Variants in NOS3 observed in about 807,000 individuals in gnomAD.
NOS3 encodes the protein NOS type III.
A neutral mutation model predicts 144.9 loss-of-function variants in NOS3; 98 were observed. That is an observed-to-expected ratio of 0.68 (90% confidence interval 0.57 to 0.80). The LOEUF is 0.80. Among genes scored for constraint, NOS3 ranks in the 30% least tolerant of loss-of-function variants. The probability of loss-of-function intolerance (pLI) is 0.00; values close to 1 mark genes in which losing one functional copy is unlikely to be tolerated. For missense variants in NOS3, 1,465 were observed against 1,656.4 expected (o/e 0.88, Z 2.01); for synonymous variants, 714 against 702.4 (o/e 1.02, Z -0.26).
intron 3 of NOS3, 63 bp from the exon 4 acceptor site, chr7:150,996,326 ACCCCTCCTCCCTGCC>A: frequency 1.6e-5 from 1 of 62,762 alleles, no homozygotes; most frequent in Non-Finnish European, 3.4e-5. Context: ...CCACCCCTGC[ACCCCTCCTCCCTGCC>A]CCCAACTCCC....
intron 9 of NOS3, 140 bp from the exon 10 acceptor site, chr7:151,000,358 C>A: frequency 1.6e-6 from 1 of 629,636 alleles, no homozygotes. Flanking sequence ...CCTGAACCAG[C>A]CCCCTAGGCA....
chr7:151,000,129 TGA>T (rs1795054865), intron 9 of NOS3, among the ~76,000 whole-genome samples: 1 of 91,940 alleles, frequency 1.1e-5, no homozygotes, highest in South Asian at 3.4e-4. Context: ...GGTGTGGGTG[TGA>T]GTGGGTGGGT....
intron 17 of NOS3, among the ~76,000 whole-genome samples, chr7:151,008,550 A>G (rs1051787891): frequency 2.6e-5 from 4 of 152,196 alleles, no homozygotes; most frequent in African/African-American, 9.7e-5. Context: ...CCAGAACACA[A>G]TGAGGTGTAA....
chr7:151,006,290 C>G (rs1041271984), intron 14 of NOS3, 137 bp from the exon 15 acceptor site: 26 of 740,600 alleles, frequency 3.5e-5, no homozygotes, highest in Non-Finnish European at 5.1e-5. Flanking sequence ...AACATCAGAT[C>G]GCTTTTGAAA....
chr7:150,999,005 G>A lies in NOS3; in HGVS notation c.876G>A (p.Leu292=), dbSNP rs2117110942. The A allele has an allele frequency of 6.2e-7, 1 of 1,612,610 alleles. No individual in the cohort carries two copies. ...GTCGCTTCGACGTGCTGCCCCTGCTGCTGCAGGCCCCAGATGATCCCCCAG... is the reference window on the plus strand; with the variant it reads ...GTCGCTTCGACGTGCTGCCCCTGCTACTGCAGGCCCCAGATGATCCCCCAG... ...GNGRFDVLPL[L]LQAPDDPPEL... The change falls in exon 8 of 27, where the codon CTG becomes CTA. Residue 292 remains leucine, a synonymous_variant. Transcript: ENST00000297494.
In NOS3 at chr7:150,998,831, G is replaced by T; in HGVS notation, c.817-115G>T. The T allele has an allele frequency of 6.8e-7, 1 of 1,480,730 alleles. No individual in the cohort carries two copies. The allele number at this position is 1,480,730 out of a possible 1,614,324, so 91.7% of individuals were successfully genotyped here. ...AAAGGAGGGGTGCCTGGGTGGTCAC[G>T]GAGACCCAGCCAATGAGGGACCCTG... On this transcript the variant is annotated intron_variant, in intron 7 of 26. Coordinates refer to ENST00000297494, the MANE Select transcript of NOS3 (RefSeq NM_000603.5). The surrounding 1 kb of genome is among the most constrained non-coding windows in gnomAD (Gnocchi z 5.0).
chr7:150,993,168 G>A lies in NOS3; in HGVS notation c.-51-585G>A, dbSNP rs980354088. Among the ~76,000 whole-genome samples, 2 of 152,170 alleles carry A rather than the reference G, an allele frequency of 1.3e-5. No homozygotes were observed. The highest frequency in any genetic ancestry group is 2.9e-5 in the Non-Finnish European group (2 of 68,020). On this transcript the variant is annotated intron_variant, in intron 1 of 26. Coordinates refer to ENST00000297494, the MANE Select transcript of NOS3 (RefSeq NM_000603.5). The surrounding 1 kb of genome is among the most constrained non-coding windows in gnomAD (Gnocchi z 4.0). ...GGAAATTGGGGCTGGGAGGGGAAGG[G>A]ATACCCTAATGTCAGACTCAAGGAC...
intron 23 of NOS3, chr7:151,012,096 C>G: frequency 6.8e-6 from 3 of 441,764 alleles, no homozygotes; most frequent in Non-Finnish European, 1.2e-5. Flanking sequence ...TCACCCTTCC[C>G]ACGTTTTCTA....
In NOS3 at chr7:151,014,018, G is replaced by GT; in HGVS notation, c.3461_3462insT (p.Tyr1155LeufsTer142). 1 of 1,612,786 alleles carries GT rather than the reference G, an allele frequency of 6.2e-7. No homozygotes were observed. The stretch of plus-strand genomic sequence containing the variant: ...GCTCTTTTCCGACAGGATCAGCAAC[G>GT]CTACCACGAAGACATTTTCGGGCTC... On this transcript the variant is annotated frameshift_variant, in exon 27 of 27. Coordinates refer to ENST00000297494, the MANE Select transcript of NOS3 (RefSeq NM_000603.5). LOFTEE classifies it high-confidence loss of function.
chr7:150,995,076 CG>C, intron 2 of NOS3, 126 bp from the exon 3 acceptor site: 2 of 583,122 alleles, frequency 3.4e-6, no homozygotes, highest in Non-Finnish European at 6.3e-6. Flanking sequence ...GCATGGGGAA[CG>C]CCAGAAGGCA....
chr7:150,993,982 A>G lies in NOS3; in HGVS notation c.158+21A>G, dbSNP rs1268796073. 1 of 1,545,506 alleles carries G rather than the reference A, an allele frequency of 6.5e-7. No individual in the cohort carries two copies. Among genetic ancestry groups the G allele is most frequent in the Non-Finnish European group, 8.7e-7 (1 of 1,149,642 alleles). ...CACAGGTAAGGGCCAGGCAGCTAGG[A>G]GCAGGTGGGCAACAAGGGTGGTGTC... On this transcript the variant is annotated intron_variant, in intron 2 of 26. Coordinates refer to ENST00000297494, the MANE Select transcript of NOS3 (RefSeq NM_000603.5). The surrounding 1 kb of genome is among the most constrained non-coding windows in gnomAD (Gnocchi z 4.0).
intron 14 of NOS3, among the ~76,000 whole-genome samples, chr7:151,005,050 G>A (rs903222406): frequency 1.3e-5 from 2 of 152,068 alleles, no homozygotes; most frequent in South Asian, 4.1e-4. Context: ...TAGAGACGCG[G>A]TTTCACCATG....
intron 23 of NOS3, chr7:151,011,993 C>T (rs954045207): frequency 4.4e-5 from 13 of 297,216 alleles, no homozygotes; most frequent in African/African-American, 2.4e-4. Context: ...ACAAATAAAC[C>T]GTACCCATCT....
chr7:151,007,260 C>A lies in NOS3; in HGVS notation c.2096C>A (p.Ala699Asp). The A allele has an allele frequency of 6.2e-7, 1 of 1,600,672 alleles. No homozygotes were observed. The highest frequency in any genetic ancestry group is 1.1e-5 in the South Asian group (1 of 90,686). Residue 699 changes from alanine to aspartate, a missense_variant, in exon 17 of 27, where the codon GCC (alanine) becomes GAC (aspartate). By Grantham distance (126) the Ala-to-Asp change is moderately radical (BLOSUM62 -2). This residue lies in a region of NOS3 where 745 missense variants were observed against 853.9 expected (regional missense o/e 0.87). Coordinates refer to ENST00000297494, the MANE Select transcript of NOS3 (RefSeq NM_000603.5). ...CAGGAGGAGGCCTTCCGAGGCTGGG[C>A]CCAGGCTGCCTTCCAGGTGAGCCCA... The part of the protein sequence containing the change: ...CGQEEAFRGW[A>D]QAAFQAACET...
Position 150,999,363 on chromosome 7 carries a change from AG to A in NOS3, c.1131+1del. 6.4e-7 allele frequency: 1 copy of A among 1,569,466 alleles called. No homozygotes were observed. The highest frequency in any genetic ancestry group is 8.7e-7 in the Non-Finnish European group (1 of 1,155,922). ...LCDPHRYNIL[E>X]DVAVCMDLDT... is the part of the protein sequence containing the mutation. ...GACCCTCACCGCTACAACATCCTGGAGGTGAGGTGCGGGATGGGGCTCGGGC... is the reference window on the plus strand; with the variant it reads ...GACCCTCACCGCTACAACATCCTGGAGTGAGGTGCGGGATGGGGCTCGGGC... On this transcript the variant is annotated frameshift_variant and splice_region_variant, in exon 9 of 27. Coordinates refer to ENST00000297494, the MANE Select transcript of NOS3 (RefSeq NM_000603.5). LOFTEE classifies it high-confidence loss of function.
Position 151,000,559 on chromosome 7 carries a change from C to T in NOS3, c.1193C>T (p.Ala398Val). 1 of 1,613,578 alleles carries T rather than the reference C, an allele frequency of 6.2e-7. No individual in the cohort carries two copies. The change falls in exon 10 of 27, where the codon GCA (alanine) becomes GTA (valine). Residue 398 changes from alanine (A) to valine (V), a missense_variant. Ala to Val is a moderately conservative substitution (Grantham distance 64). Transcript: ENST00000297494. ...RTTSSLWKDK[A>V]AVEINVAVLH... ...ACCTCGTCCCTGTGGAAAGACAAGG[C>T]AGCAGTGGAAATCAACGTGGCCGTG... is the stretch of plus-strand genomic sequence containing the variant.
intron 22 of NOS3, 33 bp downstream of exon 22, chr7:151,010,840 AGCAGGGTTGGGACCGGCCCCTCTCT>A (rs1359761827): frequency 1.2e-6 from 2 of 1,607,712 alleles, no homozygotes; most frequent in African/African-American, 1.3e-5. Flanking sequence ...GCCTGGCCAC[AGCAGGGTTGGGACCGGCCCCTCTCT>A]GGCCCCTCAC....
At position 151,001,254 on chromosome 7, in the gene NOS3, C is replaced by T. The variant is rs1795087425; in HGVS notation, c.1257C>T (p.Asp419=). The T allele has an allele frequency of 6.2e-7, 1 of 1,613,570 alleles. No homozygotes were observed. Among genetic ancestry groups the T allele is most frequent in the Non-Finnish European group, 8.5e-7 (1 of 1,179,952 alleles). The change falls in exon 11 of 27, where the codon GAC becomes GAT. Residue 419 remains aspartate (D), a synonymous_variant. Transcript: ENST00000297494. The part of the protein sequence containing the change: ...SYQLAKVTIV[D]HHAATASFMK... ...AGCTAGCCAAAGTCACCATCGTGGA[C>T]CACCACGCCGCCACGGCCTCTTTCA...
At position 151,003,686 on chromosome 7, in the gene NOS3, C is replaced by A; in HGVS notation, c.1752+1382C>A. Reference sequence around the variant, plus strand: ...TCTCCCTGCCAGAAGTGTCTGTCACCACAGAATAGTTTCGCCTGCTCTAGA... The same window carrying A: ...TCTCCCTGCCAGAAGTGTCTGTCACAACAGAATAGTTTCGCCTGCTCTAGA... On this transcript the variant is annotated intron_variant, in intron 14 of 26. Coordinates refer to ENST00000297494, the MANE Select transcript of NOS3 (RefSeq NM_000603.5). This position sits in a 1 kb window ranked among gnomAD's most constrained non-coding sequence, Gnocchi z 4.1. 1.6e-6 allele frequency: 1 copy of A among 613,080 alleles called. No individual in the cohort carries two copies. Among genetic ancestry groups the A allele is most frequent in the Non-Finnish European group, 2.8e-6 (1 of 356,380 alleles). 38.0% of individuals were successfully genotyped at this position (613,080 alleles called of 1,614,324 possible).
Sources: gnomAD v4.1 joint callset for allele counts (sites outside exome capture counted in the v4.1 genomes callset) on GRCh38, gnomAD v4.1.1 for gene constraint, gnomAD v4.1.1 regional missense constraint, Gnocchi (gnomAD v3.1) non-coding constraint, MANE v1.5 for transcripts, NCBI Gene and HGNC (gene_info 2026-07-23, HGNC 2026-07-21) for gene names.